The following SIRT4 variants were observed in gnomAD, a reference collection of about 807,000 sequenced individuals.
SIRT4 encodes the protein NAD-dependent protein lipoamidase sirtuin-4, mitochondrial.
A neutral mutation model predicts 26.1 loss-of-function variants in SIRT4; 23 were observed. The observed-to-expected ratio is 0.88, with a 90% CI of 0.63 to 1.25. The LOEUF (loss-of-function observed/expected upper bound fraction) is 1.25. SIRT4 is among the 50% of genes most tolerant of loss of function. The probability of loss-of-function intolerance (pLI) is 0.00; values close to 1 mark genes in which losing one functional copy is unlikely to be tolerated. For synonymous variants in SIRT4, 155 were observed against 158.4 expected (o/e 0.98, Z 0.16); for missense variants, 361 against 405.4 (o/e 0.89, Z 0.94).
the SIRT4 span, among the ~76,000 whole-genome samples, chr12:120,292,352 C>T: frequency 2.9e-3 from 442 of 152,320 alleles, 1 homozygote; most frequent in African/African-American, 0.01. Context: ...CCTGTAATCC[C>T]AGCACTCTGG....
In SIRT4 at chr12:120,310,007, G is replaced by A. The variant is rs574346375; in HGVS notation, c.498-2449G>A. Among the ~76,000 whole-genome samples, 387 of 151,986 alleles carry A rather than the reference G, an allele frequency of 2.5e-3. 2 individuals carry two copies. Among genetic ancestry groups the A allele is most frequent in the African/African-American group, 8.9e-3 (369 of 41,448 alleles). ...GCTGGGATTACAGGTGTGAGTCACC[G>A]TGCCCGGCCTGGCCTTTTTTTCTTT... On this transcript the variant is annotated intron_variant, in intron 2 of 3. Transcript: ENST00000202967.
At chr12:120,294,861 T>C in the SIRT4 span, among the ~76,000 whole-genome samples, 1 of 149,032 alleles carries the variant, frequency 6.7e-6, no homozygotes, top group African/African-American at 2.5e-5. Context: ...GGAGTCTCGC[T>C]CTGTTGCCCA....
intron 1 of SIRT4, 97 bp from the exon 2 acceptor site, chr12:120,303,454 AACAGAGGGAG>A: frequency 3.1e-6 from 4 of 1,301,452 alleles, no homozygotes; most frequent in Non-Finnish European, 4.2e-6. Context: ...TAGCCTGGGC[AACAGAGGGAG>A]ACTCTGTCTC....
chr12:120,312,398 T>C (rs1296027060), intron 2 of SIRT4, 58 bp from the exon 3 acceptor site: 4 of 1,509,660 alleles, frequency 2.6e-6, no homozygotes, highest in Admixed American at 4.3e-5. Flanking sequence ...GAAACGTCTC[T>C]GACAGCTTTG....
the SIRT4 span, chr12:120,293,040 C>G: frequency 6.7e-6 from 1 of 149,586 alleles, no homozygotes; most frequent in Admixed American, 6.7e-5. Context: ...CTCCCAAAAC[C>G]AAGCACCCCC....
At chr12:120,293,321 T>C in the SIRT4 span, 1 of 152,220 alleles carries the variant, frequency 6.6e-6, no homozygotes, top group Non-Finnish European at 1.5e-5. Flanking sequence ...TGGAAAAATC[T>C]TCACTTATTG....
At chr12:120,291,909 GGT>G in the SIRT4 span, 7 of 152,048 alleles carry the variant, frequency 4.6e-5, no homozygotes, top group South Asian at 2.1e-4. Flanking sequence ...AAGCTGGAAA[GGT>G]TCTGTTCGCG....
At chr12:120,297,858 A>T (rs1872388722), upstream of SIRT4, among the ~76,000 whole-genome samples, 1 of 152,158 alleles carries the variant, frequency 6.6e-6, no homozygotes. Context: ...TGTGTGCAGA[A>T]AATGTGCTGG....
intron 2 of SIRT4, among the ~76,000 whole-genome samples, chr12:120,307,581 C>T (rs112094280): frequency 1.4e-4 from 21 of 152,138 alleles, no homozygotes; most frequent in Admixed American, 5.9e-4. Flanking sequence ...CATAATTGGC[C>T]GGGCACGGTG....
rs751124265 is a variant in SIRT4 at position 120,303,703 on chromosome 12, C to T, written c.142C>T (p.Gln48Ter). The change falls in exon 2 of 4, where the codon CAG (glutamine) becomes TAG (stop). Residue 48 changes from glutamine (Q) to a stop codon, truncating the protein, a stop_gained. Coordinates refer to ENST00000202967, the MANE Select transcript of SIRT4 (RefSeq NM_012240.3). LOFTEE classifies it high-confidence loss of function. ...GGACCCTGAGAAGGTCAAAGAGTTACAGCGCTTCATCACCCTTTCCAAGAG... is the reference window on the plus strand; with the variant it reads ...GGACCCTGAGAAGGTCAAAGAGTTATAGCGCTTCATCACCCTTTCCAAGAG... The part of the protein sequence containing the change: ...PLDPEKVKEL[Q>*]RFITLSKRLL... 1 of 1,614,154 alleles carries T rather than the reference C, an allele frequency of 6.2e-7. No homozygotes were observed. The highest frequency in any genetic ancestry group is 1.1e-5 in the South Asian group (1 of 91,074).
the SIRT4 span, chr12:120,293,045 A>G: frequency 2.0e-5 from 3 of 149,614 alleles, no homozygotes; most frequent in East Asian, 2.0e-4. Flanking sequence ...AAAACCAAGC[A>G]CCCCCACACA....
At chr12:120,300,961 TA>T (rs200602670), upstream of SIRT4, among the ~76,000 whole-genome samples, 1,250 of 152,092 alleles carry the variant, frequency 8.2e-3, 12 homozygotes, top group African/African-American at 0.028. Context: ...ATTAACTTAA[TA>T]AAAAAAATAT....
the SIRT4 span, chr12:120,293,211 G>A: frequency 3.2e-4 from 48 of 152,274 alleles, no homozygotes; most frequent in East Asian, 1.5e-3. Context: ...GACCTCATTG[G>A]CTACGATACT....
upstream of SIRT4, among the ~76,000 whole-genome samples, chr12:120,301,174 G>A (rs1451681552): frequency 3.3e-5 from 5 of 152,102 alleles, no homozygotes; most frequent in South Asian, 2.1e-4. Context: ...GTGAAACCTT[G>A]TCTCTACTAA....
intron 2 of SIRT4, among the ~76,000 whole-genome samples, chr12:120,307,687 T>C (rs946640935): frequency 1.3e-5 from 2 of 151,064 alleles, no homozygotes; most frequent in African/African-American, 2.4e-5. Flanking sequence ...AGTGAAACCC[T>C]GTCTCTACTA....
At chr12:120,311,223 T>C (rs1421269544) in intron 2 of SIRT4, among the ~76,000 whole-genome samples, 1 of 146,596 alleles carries the variant, frequency 6.8e-6, no homozygotes, top group African/African-American at 2.5e-5. Flanking sequence ...GGCGTGGTGG[T>C]GCATGCCTGT....
At chr12:120,308,359 T>C (rs1369360108) in intron 2 of SIRT4, among the ~76,000 whole-genome samples, 1 of 151,072 alleles carries the variant, frequency 6.6e-6, no homozygotes, top group African/African-American at 2.4e-5. Context: ...GTAGTAGAGG[T>C]AGGGTTTCAT....
At chr12:120,306,708 C>T (rs920660925) in intron 2 of SIRT4, among the ~76,000 whole-genome samples, 2 of 152,072 alleles carry the variant, frequency 1.3e-5, no homozygotes, top group Non-Finnish European at 2.9e-5. Context: ...GAGGCTGAGG[C>T]ACGAGAGTCG....
At chr12:120,307,139 C>A (rs1046361982) in intron 2 of SIRT4, among the ~76,000 whole-genome samples, 1 of 152,156 alleles carries the variant, frequency 6.6e-6, no homozygotes, top group Non-Finnish European at 1.5e-5. Context: ...GTATGGTGTA[C>A]ATACGTTACA....
Sources: gnomAD v4.1 joint callset for allele counts (sites outside exome capture counted in the v4.1 genomes callset) on GRCh38, gnomAD v4.1.1 for gene constraint, MANE v1.5 for transcripts, NCBI Gene and HGNC (gene_info 2026-07-23, HGNC 2026-07-21) for gene names.